The following STPG2 variants were observed in gnomAD, a reference collection of about 807,000 sequenced individuals.
STPG2 encodes sperm tail PG-rich repeat containing 2.
STPG2 carries 56 observed loss-of-function variants against 54.2 expected under a neutral mutation model. The observed-to-expected ratio is 1.03, with a 90% confidence interval of 0.83 to 1.29. STPG2 has a LOEUF of 1.29. Ranked by LOEUF, STPG2 falls within the 50% of genes most tolerant of loss-of-function variation. The pLI is 0.00. For synonymous variants in STPG2, 200 were observed against 181.8 expected (o/e 1.10, Z -0.81); for missense variants, 596 against 544.9 (o/e 1.09, Z -0.93).
chr4:97,517,260 C>A (rs1377536960), intron 4 of STPG2, among the ~76,000 whole-genome samples: 4 of 152,024 alleles, frequency 2.6e-5, no homozygotes, highest in Non-Finnish European at 4.4e-5. Context: ...GTGCTTATCC[C>A]AGCTACTAGA....
At chr4:97,948,520 G>C (rs1022840576) in intron 7 of STPG2, among the ~76,000 whole-genome samples, 1 of 152,072 alleles carries the variant, frequency 6.6e-6, no homozygotes, top group Non-Finnish European at 1.5e-5. Flanking sequence ...TTGTCAGTTT[G>C]TGGTCTTTCA....
chr4:97,911,474 C>G (rs563714169), intron 8 of STPG2, among the ~76,000 whole-genome samples: 35 of 152,246 alleles, frequency 2.3e-4, no homozygotes, highest in Admixed American at 1.5e-3. Flanking sequence ...GCCATCTCTG[C>G]AGCTGGAGTC....
At chr4:97,518,382 A>T (rs531472143) in intron 4 of STPG2, among the ~76,000 whole-genome samples, 1 of 152,236 alleles carries the variant, frequency 6.6e-6, no homozygotes, top group South Asian at 2.1e-4. Context: ...GTCACTTAGA[A>T]ATGAGGGCAG....
At position 97,474,295 on chromosome 4, in the gene STPG2, A is replaced by G. The variant is rs1410230504; in HGVS notation, c.462+238404T>C. Among the ~76,000 whole-genome samples, 5 of 152,264 alleles carry G rather than the reference A, an allele frequency of 3.3e-5. No homozygotes were observed. The East Asian group carries it at 9.7e-4, about 29-fold the overall frequency. ...AAAAAAAAGACAAGAAGACATTAAAAATGTTGGCTTTCTTGCATTTTCCAT... is the reference window on the plus strand; with the variant it reads ...AAAAAAAAGACAAGAAGACATTAAAGATGTTGGCTTTCTTGCATTTTCCAT... On this transcript the variant is annotated intron_variant, in intron 4 of 4. Transcript: ENST00000522676.
intron 9 of STPG2, among the ~76,000 whole-genome samples, chr4:97,813,344 C>T (rs894566776): frequency 1.3e-5 from 2 of 151,994 alleles, no homozygotes; most frequent in Non-Finnish European, 2.9e-5. Flanking sequence ...ATGCAATTAA[C>T]CTGTGTAACA....
intron 10 of STPG2, among the ~76,000 whole-genome samples, chr4:97,617,676 T>G (rs1733909558): frequency 6.6e-6 from 1 of 152,148 alleles, no homozygotes; most frequent in Non-Finnish European, 1.5e-5. Flanking sequence ...ATACACAGAC[T>G]ATTCCTTTCC....
At chr4:97,591,122 T>C (rs1187018617) in intron 10 of STPG2, among the ~76,000 whole-genome samples, 3 of 152,250 alleles carry the variant, frequency 2.0e-5, no homozygotes, top group East Asian at 3.9e-4. Flanking sequence ...AGACAGAAGA[T>C]ATTAATATTA....
At chr4:97,696,014 A>C (rs117125409) in intron 10 of STPG2, among the ~76,000 whole-genome samples, 2 of 151,980 alleles carry the variant, frequency 1.3e-5, no homozygotes, top group Admixed American at 6.6e-5. Context: ...AGAAAAAAAA[A>C]CCTAAATTTC....
intron 5 of STPG2, among the ~76,000 whole-genome samples, chr4:98,039,696 A>ATC (rs771543201): frequency 0.39 from 57,927 of 150,270 alleles, 11,351 homozygotes; most frequent in Middle Eastern, 0.45. Context: ...ATATATATAT[A>ATC]TATCTCACAT....
chr4:97,703,828 AC>A lies in STPG2; in HGVS notation c.1320+8870del, dbSNP rs558943070. Among the ~76,000 whole-genome samples, 106 of 149,506 alleles carry A rather than the reference AC, an allele frequency of 7.1e-4. 1 individual carries two copies. The highest frequency in any genetic ancestry group is 2.4e-3 in the African/African-American group (99 of 40,692). On this transcript the variant is annotated intron_variant, in intron 10 of 10. Transcript: ENST00000295268. ...TGTGTGTGTGTATATATACATATATACACAGGGGGATTTATTAAGTATTAAC... is the reference window on the plus strand; with the variant it reads ...TGTGTGTGTGTATATATACATATATAACAGGGGGATTTATTAAGTATTAAC...
intron 8 of STPG2, among the ~76,000 whole-genome samples, chr4:97,932,464 C>A (rs1732587942): frequency 6.6e-6 from 1 of 152,144 alleles, no homozygotes; most frequent in Non-Finnish European, 1.5e-5. Flanking sequence ...ATCTACTCAT[C>A]AACTAGGTAT....
chr4:97,930,048 A>G (rs1163456923), intron 8 of STPG2, among the ~76,000 whole-genome samples: 1 of 152,000 alleles, frequency 6.6e-6, no homozygotes, highest in Admixed American at 6.6e-5. Context: ...ACAGGCAAGC[A>G]CCACCACGCC....
intron 8 of STPG2, among the ~76,000 whole-genome samples, chr4:97,842,215 C>T (rs1393548353): frequency 6.6e-6 from 1 of 151,796 alleles, no homozygotes; most frequent in Non-Finnish European, 1.5e-5. Flanking sequence ...GAAAACCCCA[C>T]TTCTGGTTTG....
chr4:97,467,021 T>A (rs1346797116), intron 4 of STPG2, among the ~76,000 whole-genome samples: 4 of 151,956 alleles, frequency 2.6e-5, no homozygotes, highest in African/African-American at 9.7e-5. Flanking sequence ...GTGACATTTT[T>A]AAAAAGTTCA....
At chr4:97,568,113 A>G (rs1732502222) in intron 10 of STPG2, among the ~76,000 whole-genome samples, 1 of 152,224 alleles carries the variant, frequency 6.6e-6, no homozygotes, top group South Asian at 2.1e-4. Context: ...AGCCACACTG[A>G]GAGGGAAAAA....
intron 10 of STPG2, among the ~76,000 whole-genome samples, chr4:97,599,833 AAAAAG>A (rs59858612): frequency 1.4e-3 from 202 of 147,230 alleles, no homozygotes; most frequent in African/African-American, 5.1e-3. Context: ...CAAAAAAAAA[AAAAAG>A]AAAAGAAAAG....
intron 8 of STPG2, among the ~76,000 whole-genome samples, chr4:97,935,543 C>G (rs879434948): frequency 6.6e-6 from 1 of 152,202 alleles, no homozygotes; most frequent in South Asian, 2.1e-4. Context: ...CCTCTTAACA[C>G]TGCTTTAGCT....
intron 9 of STPG2, among the ~76,000 whole-genome samples, chr4:97,726,489 C>T (rs1277160248): frequency 1.3e-5 from 2 of 151,768 alleles, no homozygotes; most frequent in Non-Finnish European, 3.0e-5. Flanking sequence ...TTCCAGATAA[C>T]TGTGTAAGAA....
At chr4:97,683,782 A>G (rs939072680) in intron 10 of STPG2, among the ~76,000 whole-genome samples, 8 of 151,812 alleles carry the variant, frequency 5.3e-5, no homozygotes, top group African/African-American at 1.9e-4. Context: ...ATAAAAAAGA[A>G]AACTAAATAA....
Sources: allele counts gnomAD v4.1 joint callset (sites outside exome capture counted in the v4.1 genomes callset), GRCh38; gene constraint gnomAD v4.1.1; transcripts MANE v1.5; gene names NCBI Gene and HGNC (gene_info 2026-07-23, HGNC 2026-07-21).